The following MCTP1 variants were observed in gnomAD, a reference collection of about 807,000 sequenced individuals.
The protein encoded by MCTP1 is multiple C2 and transmembrane domain-containing protein 1.
A neutral mutation model predicts 120.6 loss-of-function variants in MCTP1; 69 were observed. That is an observed-to-expected ratio of 0.57 (90% confidence interval 0.47 to 0.70). The LOEUF (loss-of-function observed/expected upper bound fraction) is 0.70, where lower values mean the gene tolerates loss of function less well. Ranked by LOEUF, MCTP1 falls within the 30% of genes least tolerant of loss-of-function variation. The pLI is 0.00. For synonymous variants in MCTP1, 529 were observed against 493.1 expected (o/e 1.07, Z -0.96); for missense variants, 1,203 against 1,248.8 (o/e 0.96, Z 0.55).
At chr5:95,167,582 C>A (rs1215977480) in intron 1 of MCTP1, among the ~76,000 whole-genome samples, 2 of 152,198 alleles carry the variant, frequency 1.3e-5, no homozygotes, top group Non-Finnish European at 2.9e-5. Flanking sequence ...TGTTTCCTGA[C>A]TTCTTAATGA....
intron 1 of MCTP1, among the ~76,000 whole-genome samples, chr5:95,140,072 A>G (rs1183112684): frequency 6.6e-6 from 1 of 152,194 alleles, no homozygotes; most frequent in Non-Finnish European, 1.5e-5. Context: ...CTACCTTCCA[A>G]TGACACTCAT....
intron 19 of MCTP1, among the ~76,000 whole-genome samples, chr5:94,759,814 G>A (rs1290613789): frequency 6.8e-6 from 1 of 146,416 alleles, no homozygotes; most frequent in Non-Finnish European, 1.5e-5. Flanking sequence ...TTTTCCTAAA[G>A]TCATTAGTTC....
chr5:95,205,132 T>A (rs752620188), intron 1 of MCTP1, among the ~76,000 whole-genome samples: 1 of 152,130 alleles, frequency 6.6e-6, no homozygotes, highest in Non-Finnish European at 1.5e-5. Flanking sequence ...AGTATTGTCA[T>A]GAGAACAGAA....
chr5:94,922,169 AGTTT>A (rs1367975095), intron 7 of MCTP1, among the ~76,000 whole-genome samples: 6 of 152,222 alleles, frequency 3.9e-5, no homozygotes, highest in South Asian at 2.1e-4. Flanking sequence ...GATACAAGAA[AGTTT>A]GTTTATTTTT....
intron 1 of MCTP1, among the ~76,000 whole-genome samples, chr5:95,098,638 A>C (rs1030622602): frequency 1.3e-5 from 2 of 151,944 alleles, no homozygotes; most frequent in African/African-American, 2.4e-5. Flanking sequence ...AAACAAATGG[A>C]AGAACATTCC....
At chr5:95,003,982 G>A (rs1272966108) in intron 2 of MCTP1, among the ~76,000 whole-genome samples, 2 of 152,168 alleles carry the variant, frequency 1.3e-5, no homozygotes, top group African/African-American at 4.8e-5. Flanking sequence ...ACCTCCTAGA[G>A]ACATGTAAAA....
At chr5:94,910,916 T>C (rs1231989600) in intron 9 of MCTP1, among the ~76,000 whole-genome samples, 1 of 152,058 alleles carries the variant, frequency 6.6e-6, no homozygotes, top group African/African-American at 2.4e-5. Context: ...TCTGTGGTAT[T>C]TTGGGGTGTG....
At chr5:94,756,957 G>A (rs550151810) in intron 19 of MCTP1, among the ~76,000 whole-genome samples, 4 of 152,148 alleles carry the variant, frequency 2.6e-5, no homozygotes, top group Middle Eastern at 3.4e-3. Flanking sequence ...AAGGTCATAG[G>A]GCAATATGGC....
intron 1 of MCTP1, among the ~76,000 whole-genome samples, chr5:95,034,512 G>A (rs1024847734): frequency 3.3e-5 from 5 of 151,942 alleles, no homozygotes; most frequent in South Asian, 2.1e-4. Context: ...GGGAAAACTG[G>A]CTAGCCACAT....
At chr5:94,924,436 A>T (rs1486509974) in intron 6 of MCTP1, among the ~76,000 whole-genome samples, 1 of 152,178 alleles carries the variant, frequency 6.6e-6, no homozygotes, top group Non-Finnish European at 1.5e-5. Context: ...TCTTATTTAT[A>T]AACATGCACC....
At chr5:94,991,490 G>A (rs185990877) in intron 2 of MCTP1, among the ~76,000 whole-genome samples, 14 of 152,234 alleles carry the variant, frequency 9.2e-5, no homozygotes, top group African/African-American at 1.9e-4. Flanking sequence ...CTTGAAAACC[G>A]ATAATGATTT....
At chr5:94,899,581 A>C (rs1804962790) in intron 10 of MCTP1, among the ~76,000 whole-genome samples, 1 of 152,228 alleles carries the variant, frequency 6.6e-6, no homozygotes, top group African/African-American at 2.4e-5. Flanking sequence ...CTCCCAGATC[A>C]ACTGCCAAGG....
At chr5:95,023,960 G>A (rs1189143671) in intron 1 of MCTP1, 5 of 314,394 alleles carry the variant, frequency 1.6e-5, no homozygotes, top group South Asian at 1.4e-4. Flanking sequence ...TTAATGATCT[G>A]TGCAGTTATT....
At chr5:95,078,518 G>A (rs577626769) in intron 1 of MCTP1, among the ~76,000 whole-genome samples, 8 of 152,040 alleles carry the variant, frequency 5.3e-5, no homozygotes, top group Non-Finnish European at 8.8e-5. Flanking sequence ...GTAAATTCAC[G>A]AACAACTTCA....
chr5:95,042,191 T>A (rs1384530672), intron 1 of MCTP1, among the ~76,000 whole-genome samples: 2 of 152,182 alleles, frequency 1.3e-5, no homozygotes, highest in Non-Finnish European at 2.9e-5. Context: ...GTTTTTCCAA[T>A]GCCGGTAAGG....
At chr5:94,920,666 C>T (rs892329973) in intron 7 of MCTP1, among the ~76,000 whole-genome samples, 7 of 151,508 alleles carry the variant, frequency 4.6e-5, no homozygotes, top group Non-Finnish European at 1.0e-4. Flanking sequence ...GGCGTGAACC[C>T]GGGAGGCGAA....
At chr5:95,026,446 C>T (rs1839277601) in intron 1 of MCTP1, among the ~76,000 whole-genome samples, 1 of 152,120 alleles carries the variant, frequency 6.6e-6, no homozygotes, top group Non-Finnish European at 1.5e-5. Flanking sequence ...CCCTCAACCC[C>T]CAACTACCCT....
chr5:95,067,396 C>T (rs1243103896), intron 1 of MCTP1, among the ~76,000 whole-genome samples: 1 of 151,888 alleles, frequency 6.6e-6, no homozygotes, highest in Non-Finnish European at 1.5e-5. Context: ...CATTCTATCA[C>T]GTAAATGTGT....
At position 94,869,104 on chromosome 5, in the gene MCTP1, C is replaced by T. The variant is rs528913098; in HGVS notation, c.2317-652G>A. ...TGCTTTACAAAATTTCTTATTAAAA[C>T]GAGTATAGGAAAATTGATATAATTA... On this transcript the variant is annotated intron_variant, in intron 16 of 22. Transcript: ENST00000515393. Among the ~76,000 whole-genome samples, 16 of 151,404 alleles carry T rather than the reference C, an allele frequency of 1.1e-4. No individual in the cohort carries two copies. The East Asian group carries it at 2.5e-3, about 24-fold the overall frequency.
Sources: allele counts gnomAD v4.1 joint callset (sites outside exome capture counted in the v4.1 genomes callset), GRCh38; gene constraint gnomAD v4.1.1; transcripts MANE v1.5; gene names NCBI Gene and HGNC (gene_info 2026-07-23, HGNC 2026-07-21).